Variants in EPHA6 observed in about 807,000 individuals in gnomAD.
EPHA6 encodes the protein ephrin type-A receptor 6.
A neutral mutation model predicts 112.0 loss-of-function variants in EPHA6; 50 were observed. That is an observed-to-expected ratio of 0.45 (90% CI 0.36 to 0.56). The LOEUF (loss-of-function observed/expected upper bound fraction) is 0.56, where lower values mean the gene tolerates loss of function less well. Among genes scored for constraint, EPHA6 ranks in the 20% least tolerant of loss-of-function variants. The probability of loss-of-function intolerance (pLI) is 0.00; values close to 1 mark genes in which losing one functional copy is unlikely to be tolerated. For missense variants in EPHA6, 1,280 were observed against 1,417.4 expected, an observed-to-expected ratio of 0.90 and a Z score of 1.56; for synonymous variants, 529 against 490.7, an observed-to-expected ratio of 1.08 and a Z score of -1.03.
intron 14 of EPHA6, among the ~76,000 whole-genome samples, chr3:97,689,175 GT>G (rs2032477277): frequency 6.6e-6 from 1 of 152,186 alleles, no homozygotes; most frequent in Non-Finnish European, 1.5e-5. Flanking sequence ...AAGGAAATAT[GT>G]GAAGTCATAT....
intron 2 of EPHA6, among the ~76,000 whole-genome samples, chr3:96,962,606 A>G (rs1298769663): frequency 6.6e-6 from 1 of 150,746 alleles, no homozygotes; most frequent in Non-Finnish European, 1.5e-5. Context: ...GAATTTAGTC[A>G]GTCAGAAAAT....
chr3:97,453,132 A>G (rs1304460119), intron 7 of EPHA6, among the ~76,000 whole-genome samples: 1 of 151,766 alleles, frequency 6.6e-6, no homozygotes, highest in Non-Finnish European at 1.5e-5. Flanking sequence ...GTAATTTTGC[A>G]TGTGCAGTTT....
rs1491420279 is a variant in EPHA6, at chr3:97,214,038, T to TGTGAGA, written c.1115-12225_1115-12224insTGAGAG. Among the ~76,000 whole-genome samples, 129 of 77,830 alleles carry TGTGAGA rather than the reference T, an allele frequency of 1.7e-3. 1 individual carries two copies. The highest frequency in any genetic ancestry group is 3.9e-3 in the African/African-American group (113 of 28,648). 51.1% of individuals were successfully genotyped at this position (77,830 alleles called of 152,430 possible). A position where few individuals can be genotyped will look rare whatever the true frequency, so the allele number is the denominator to read the frequency against. The stretch of plus-strand genomic sequence containing the variant: ...GTGTGTGTGTGTGTGTGTGTGTGTG[T>TGTGAGA]GAGAGAGAGAGAGAGAGGGAGAGGG... On this transcript the variant is annotated intron_variant, in intron 3 of 17. Coordinates refer to ENST00000389672, the MANE Select transcript of EPHA6 (RefSeq NM_001080448.3).
chr3:97,261,309 C>T (rs915975791), intron 5 of EPHA6, among the ~76,000 whole-genome samples: 8 of 152,048 alleles, frequency 5.3e-5, no homozygotes, highest in African/African-American at 1.4e-4. Context: ...ATCTTGGTAC[C>T]TATATGGTAG....
At chr3:97,013,503 G>A (rs557366199) in intron 3 of EPHA6, among the ~76,000 whole-genome samples, 213 of 152,032 alleles carry the variant, frequency 1.4e-3, no homozygotes, top group Admixed American at 3.0e-3. Flanking sequence ...TACCCACTAC[G>A]TCCTGAAAAA....
chr3:96,863,627 CT>C (rs1239413918), intron 1 of EPHA6, among the ~76,000 whole-genome samples: 4 of 151,864 alleles, frequency 2.6e-5, no homozygotes, highest in Non-Finnish European at 5.9e-5. Flanking sequence ...AGCATTTGCA[CT>C]ATAATAGGTA....
chr3:97,070,657 G>C (rs2046322421), intron 3 of EPHA6, among the ~76,000 whole-genome samples: 1 of 152,058 alleles, frequency 6.6e-6, no homozygotes, highest in African/African-American at 2.4e-5. Context: ...GCAGTGTTCT[G>C]TGCATGCTAG....
intron 3 of EPHA6, among the ~76,000 whole-genome samples, chr3:97,203,629 G>A (rs1462236530): frequency 6.6e-6 from 1 of 152,034 alleles, no homozygotes; most frequent in African/African-American, 2.4e-5. Context: ...AGATGATTGT[G>A]GTGTGGAGGG....
chr3:97,342,413 C>A (rs1484939766), intron 5 of EPHA6, among the ~76,000 whole-genome samples: 4 of 152,184 alleles, frequency 2.6e-5, no homozygotes, highest in African/African-American at 9.7e-5. Flanking sequence ...CAACCTCCTA[C>A]CCAAGCTTAG....
At chr3:96,927,803 T>A (rs1193772267) in intron 2 of EPHA6, among the ~76,000 whole-genome samples, 1 of 152,162 alleles carries the variant, frequency 6.6e-6, no homozygotes, top group Non-Finnish European at 1.5e-5. Context: ...CCACTCCGGG[T>A]ACCAATTTCC....
In EPHA6 at chr3:97,720,246, C is replaced by T; in HGVS notation, c.2785-15C>T. On this transcript the variant is annotated splice_polypyrimidine_tract_variant and intron_variant, in intron 14 of 17. Transcript: ENST00000389672. The stretch of plus-strand genomic sequence containing the variant: ...AACGATAAGCCAGCTAAGAAATCTC[C>T]AATTTGTTTTCCAGGGTGGAAAAAT... 6.4e-7 allele frequency: 1 copy of T among 1,555,194 alleles called. No homozygotes were observed. The highest frequency in any genetic ancestry group is 2.0e-5 in the Admixed American group (1 of 49,160).
At chr3:97,618,148 G>C (rs535617999) in intron 13 of EPHA6, among the ~76,000 whole-genome samples, 2 of 152,110 alleles carry the variant, frequency 1.3e-5, no homozygotes, top group Non-Finnish European at 2.9e-5. Flanking sequence ...CAATTACATG[G>C]AAATTGTATA....
intron 3 of EPHA6, among the ~76,000 whole-genome samples, chr3:97,139,888 A>G (rs972223070): frequency 1.3e-5 from 2 of 152,164 alleles, no homozygotes; most frequent in Non-Finnish European, 1.5e-5. Flanking sequence ...AGGAAGCTCA[A>G]TGAGATCCAA....
At chr3:97,664,264 A>T (rs1486968092) in intron 14 of EPHA6, among the ~76,000 whole-genome samples, 1 of 152,052 alleles carries the variant, frequency 6.6e-6, no homozygotes, top group Non-Finnish European at 1.5e-5. Flanking sequence ...GATGGCAAAA[A>T]TTTTCTCCCA....
chr3:97,727,345 A>T (rs1458527946), intron 15 of EPHA6, among the ~76,000 whole-genome samples: 1 of 152,064 alleles, frequency 6.6e-6, no homozygotes, highest in East Asian at 1.9e-4. Flanking sequence ...TAAACTTTTG[A>T]TCTTAGCTGA....
intron 12 of EPHA6, among the ~76,000 whole-genome samples, chr3:97,596,015 C>A: frequency 6.6e-6 from 1 of 150,956 alleles, no homozygotes; most frequent in Non-Finnish European, 1.5e-5. Flanking sequence ...ACGCCATTCT[C>A]CTGCCTCAGC....
At chr3:97,144,345 A>G (rs894400052) in intron 3 of EPHA6, among the ~76,000 whole-genome samples, 36 of 151,738 alleles carry the variant, frequency 2.4e-4, no homozygotes, top group Non-Finnish European at 1.0e-4. Flanking sequence ...TATATTTACA[A>G]CTTTACAATT....
chr3:96,939,142 C>T (rs529575944), intron 2 of EPHA6, among the ~76,000 whole-genome samples: 105 of 152,216 alleles, frequency 6.9e-4, no homozygotes, highest in Non-Finnish European at 1.3e-3. Flanking sequence ...GGGAGGATTC[C>T]CTCTTTTTCT....
chr3:97,440,163 G>T (rs1190662967), intron 6 of EPHA6, among the ~76,000 whole-genome samples: 1 of 152,000 alleles, frequency 6.6e-6, no homozygotes, highest in East Asian at 1.9e-4. Context: ...GCTAAATGCT[G>T]GTTAGAATCA....
Sources: gnomAD v4.1 joint callset for allele counts (sites outside exome capture counted in the v4.1 genomes callset) on GRCh38, gnomAD v4.1.1 for gene constraint, MANE v1.5 for transcripts, NCBI Gene and HGNC (gene_info 2026-07-23, HGNC 2026-07-21) for gene names.